The following ALX4 variants were observed in gnomAD, a reference collection of about 807,000 sequenced individuals.
ALX4 encodes the protein homeobox protein aristaless-like 4.
A neutral mutation model predicts 40.6 loss-of-function variants in ALX4; 22 were observed. That is an observed-to-expected ratio of 0.54 (90% CI 0.39 to 0.77). The LOEUF (loss-of-function observed/expected upper bound fraction) is 0.77. ALX4 is among the 30% of genes least tolerant of loss of function. The pLI is 0.00. For synonymous variants in ALX4, 266 were observed against 240.5 expected (o/e 1.11, Z -0.98); for missense variants, 556 against 564.8 (o/e 0.98, Z 0.16).
chr11:44,309,282 A>T (rs1354765994), intron 1 of ALX4, among the ~76,000 whole-genome samples: 1 of 148,400 alleles, frequency 6.7e-6, no homozygotes, highest in Admixed American at 6.8e-5. Flanking sequence ...TGGGCCGGTA[A>T]GAAGCATCCG....
intron 1 of ALX4, among the ~76,000 whole-genome samples, chr11:44,283,072 C>T (rs1362329423): frequency 1.3e-5 from 2 of 152,000 alleles, no homozygotes; most frequent in East Asian, 3.9e-4. Context: ...CACGGTGAAA[C>T]CCCATCTCTA....
intron 1 of ALX4, among the ~76,000 whole-genome samples, chr11:44,286,867 C>T (rs1304519367): frequency 6.6e-6 from 1 of 152,204 alleles, no homozygotes; most frequent in Non-Finnish European, 1.5e-5. Context: ...GACTGAGTGA[C>T]AGACAGGCTG....
At chr11:44,273,155 G>T (rs1956258807) in intron 2 of ALX4, among the ~76,000 whole-genome samples, 1 of 150,778 alleles carries the variant, frequency 6.6e-6, no homozygotes, top group African/African-American at 2.4e-5. Flanking sequence ...ACATTGAAGG[G>T]CTCAGCCCAC....
At chr11:44,284,692 C>T (rs550984101) in intron 1 of ALX4, among the ~76,000 whole-genome samples, 9 of 152,342 alleles carry the variant, frequency 5.9e-5, no homozygotes, top group African/African-American at 2.2e-4. Flanking sequence ...CTGCAGCGCA[C>T]TGCACGAGTA....
At chr11:44,271,870 G>A (rs1289057692) in intron 2 of ALX4, among the ~76,000 whole-genome samples, 1 of 152,088 alleles carries the variant, frequency 6.6e-6, no homozygotes, top group African/African-American at 2.4e-5. Context: ...ATATTTGTTA[G>A]GAAGCATGCA....
intron 2 of ALX4, among the ~76,000 whole-genome samples, chr11:44,275,130 G>T (rs576618798): frequency 1.5e-4 from 23 of 152,296 alleles, no homozygotes; most frequent in Non-Finnish European, 3.2e-4. Context: ...CCACCACAGT[G>T]CAGAAGCCCA....
At chr11:44,309,260 C>G (rs1004715601) in intron 1 of ALX4, among the ~76,000 whole-genome samples, 1 of 151,186 alleles carries the variant, frequency 6.6e-6, no homozygotes, top group Non-Finnish European at 1.5e-5. Flanking sequence ...GACTCCTTGC[C>G]GCCGCACGCC....
At chr11:44,295,727 G>T (rs141080839) in intron 1 of ALX4, among the ~76,000 whole-genome samples, 7,147 of 152,338 alleles carry the variant, frequency 0.047, 232 homozygotes, top group Non-Finnish European at 0.07. Context: ...TCCAAGCTCC[G>T]CTGGAAGGAT....
At chr11:44,303,315 C>A (rs1017809701) in intron 1 of ALX4, among the ~76,000 whole-genome samples, 2 of 152,220 alleles carry the variant, frequency 1.3e-5, no homozygotes, top group Non-Finnish European at 2.9e-5. Flanking sequence ...CTCTCTGCCC[C>A]CAATGTGCAG....
At chr11:44,269,354 CCTTT>C (rs1277222032) in intron 2 of ALX4, among the ~76,000 whole-genome samples, 2 of 152,230 alleles carry the variant, frequency 1.3e-5, no homozygotes, top group African/African-American at 4.8e-5. Flanking sequence ...CAGCTCCTGA[CCTTT>C]CTCACTGTCT....
intron 1 of ALX4, among the ~76,000 whole-genome samples, chr11:44,279,614 A>C (rs957089201): frequency 6.6e-6 from 1 of 152,022 alleles, no homozygotes; most frequent in Non-Finnish European, 1.5e-5. Context: ...GAAACCACTG[A>C]CCTTGGTCCC....
rs144970306 is a variant in ALX4 at position 44,292,809 on chromosome 11, C to G, written c.466+16788G>C. Among the ~76,000 whole-genome samples, 13 of 152,028 alleles carry G rather than the reference C, an allele frequency of 8.6e-5. No homozygotes were observed. In the East Asian group the frequency reaches 2.5e-3, roughly 30 times the overall value. On this transcript the variant is annotated intron_variant, in intron 1 of 3. Transcript: ENST00000652299. ...ATTAACATGTTAGTTAAAAATGGTT[C>G]TTTTGGCCCCGCATGGTAGCTCATG...
At position 44,267,596 on chromosome 11, in the gene ALX4, C is replaced by T. The variant is rs1956220989; in HGVS notation, c.804G>A (p.Lys268=). ...VQVWFQNRRA[K]WRKRERFGQM... ...GCCCAAAACGCTCCCGCTTCCTCCACTTGGCCCTTCGGTTCTGGAACCAGA... is the reference window on the plus strand; with the variant it reads ...GCCCAAAACGCTCCCGCTTCCTCCATTTGGCCCTTCGGTTCTGGAACCAGA... Residue 268 remains lysine, a synonymous_variant, in exon 3 of 4, where the codon AAG becomes AAA. Coordinates refer to ENST00000652299, the MANE Select transcript of ALX4 (RefSeq NM_021926.4). 1 of 1,614,202 alleles carries T rather than the reference C, an allele frequency of 6.2e-7. No homozygotes were observed. Among genetic ancestry groups the T allele is most frequent in the South Asian group, 1.1e-5 (1 of 91,086 alleles).
chr11:44,266,535 A>G (rs1444627543), intron 3 of ALX4, among the ~76,000 whole-genome samples: 1 of 152,206 alleles, frequency 6.6e-6, no homozygotes, highest in Non-Finnish European at 1.5e-5. Flanking sequence ...TTGGAGAGCC[A>G]GAGACCATTT....
intron 1 of ALX4, among the ~76,000 whole-genome samples, chr11:44,309,102 C>A (rs1279178920): frequency 6.6e-6 from 1 of 151,060 alleles, no homozygotes; most frequent in African/African-American, 2.4e-5. Flanking sequence ...GCGGCGGCGC[C>A]GCCCGAGGAG....
At chr11:44,286,991 G>A (rs1207754682) in intron 1 of ALX4, among the ~76,000 whole-genome samples, 1 of 152,218 alleles carries the variant, frequency 6.6e-6, no homozygotes, top group African/African-American at 2.4e-5. Context: ...TGACTAACTT[G>A]CAAAAGCCTT....
At position 44,267,484 on chromosome 11, in the gene ALX4, C is replaced by A. The variant is rs377477011; in HGVS notation, c.906+10G>T. ...GGGGATCGGTGGCGGCAGCTCAGGG[C>A]GGGACTTACCTGGGCGTAGTTCTCA... On this transcript the variant is annotated intron_variant, in intron 3 of 3. Coordinates refer to ENST00000652299, the MANE Select transcript of ALX4 (RefSeq NM_021926.4). The A allele has an allele frequency of 4.3e-6, 7 of 1,613,534 alleles. No homozygotes were observed. The highest frequency in any genetic ancestry group is 1.3e-5 in the African/African-American group (1 of 74,870).
intron 3 of ALX4, 96 bp from the exon 4 acceptor site, chr11:44,265,279 C>T: frequency 1.7e-6 from 2 of 1,158,956 alleles, no homozygotes; most frequent in Non-Finnish European, 1.2e-6. Flanking sequence ...CCTCACTGTC[C>T]ATCCTTCCCA....
chr11:44,307,445 C>G (rs919348798), intron 1 of ALX4, among the ~76,000 whole-genome samples: 2 of 152,160 alleles, frequency 1.3e-5, no homozygotes, highest in South Asian at 2.1e-4. Flanking sequence ...AGAGAGGGCT[C>G]AGGGGAGGCC....
Sources: gnomAD v4.1 joint callset for allele counts (sites outside exome capture counted in the v4.1 genomes callset) on GRCh38, gnomAD v4.1.1 for gene constraint, MANE v1.5 for transcripts, NCBI Gene and HGNC (gene_info 2026-07-23, HGNC 2026-07-21) for gene names.